The following THRB variants were observed in gnomAD, a reference collection of about 807,000 sequenced individuals.
THRB encodes thyroid hormone receptor beta, also known as nuclear receptor subfamily 1 group A member 2.
THRB carries 12 observed loss-of-function variants against 47.8 expected under a neutral mutation model. The observed-to-expected ratio is 0.25, with a 90% CI of 0.16 to 0.41. The LOEUF (loss-of-function observed/expected upper bound fraction) is 0.41, where lower values mean the gene tolerates loss of function less well. Ranked by LOEUF, THRB falls within the 10% of genes least tolerant of loss-of-function variation. The probability of loss-of-function intolerance (pLI) is 1.00; values close to 1 mark genes in which losing one functional copy is unlikely to be tolerated. For missense variants in THRB, 348 were observed against 589.2 expected, an observed-to-expected ratio of 0.59 and a Z score of 4.24; for synonymous variants, 218 against 212.2, an observed-to-expected ratio of 1.03 and a Z score of -0.24.
At chr3:24,355,887 A>G (rs1420841984) in intron 1 of THRB, among the ~76,000 whole-genome samples, 1 of 152,154 alleles carries the variant, frequency 6.6e-6, no homozygotes, top group Non-Finnish European at 1.5e-5. Flanking sequence ...TATGAAAAAT[A>G]CCTTCATTCT....
At chr3:24,370,685 C>T (rs1432162989) in intron 1 of THRB, among the ~76,000 whole-genome samples, 1 of 152,040 alleles carries the variant, frequency 6.6e-6, no homozygotes, top group Non-Finnish European at 1.5e-5. Flanking sequence ...GGGGATCACA[C>T]CAGGCACAAT....
chr3:24,381,722 T>C (rs2065729019), intron 1 of THRB, among the ~76,000 whole-genome samples: 1 of 152,000 alleles, frequency 6.6e-6, no homozygotes, highest in African/African-American at 2.4e-5. Flanking sequence ...TAACCAACTA[T>C]AACTAGCCAT....
chr3:24,299,369 A>G (rs1317787207), intron 2 of THRB, among the ~76,000 whole-genome samples: 2 of 152,000 alleles, frequency 1.3e-5, no homozygotes, highest in Non-Finnish European at 2.9e-5. Flanking sequence ...AATAAGAAAG[A>G]CCTTAAAGAG....
intron 4 of THRB, among the ~76,000 whole-genome samples, chr3:24,198,707 C>A (rs1318869913): frequency 1.3e-5 from 2 of 152,128 alleles, no homozygotes; most frequent in Non-Finnish European, 2.9e-5. Context: ...CAATCATGAT[C>A]ATTTCTGAGC....
At chr3:24,258,175 G>T (rs2051513252) in intron 3 of THRB, among the ~76,000 whole-genome samples, 1 of 152,186 alleles carries the variant, frequency 6.6e-6, no homozygotes, top group African/African-American at 2.4e-5. Flanking sequence ...TGGGGCCTCG[G>T]ACTCATTTGG....
At chr3:24,433,607 T>C (rs528489470) in intron 1 of THRB, among the ~76,000 whole-genome samples, 1 of 152,282 alleles carries the variant, frequency 6.6e-6, no homozygotes, top group East Asian at 1.9e-4. Flanking sequence ...ATTTGTGTTG[T>C]TTTAAGCAAC....
At chr3:24,381,138 A>G (rs2065680599) in intron 1 of THRB, among the ~76,000 whole-genome samples, 1 of 151,098 alleles carries the variant, frequency 6.6e-6, no homozygotes, top group Non-Finnish European at 1.5e-5. Flanking sequence ...AAAAATTACC[A>G]TTTCTAAATT....
chr3:24,460,416 A>C (rs1474022999), intron 1 of THRB, among the ~76,000 whole-genome samples: 3 of 152,196 alleles, frequency 2.0e-5, no homozygotes, highest in African/African-American at 4.8e-5. Flanking sequence ...AAGTGACAGG[A>C]TACATTCAAA....
chr3:24,483,395 T>C (rs1250294151), intron 1 of THRB, among the ~76,000 whole-genome samples: 4 of 152,110 alleles, frequency 2.6e-5, no homozygotes, highest in African/African-American at 9.7e-5. Context: ...AAAACTGTTA[T>C]AAAATTATTC....
intron 3 of THRB, among the ~76,000 whole-genome samples, chr3:24,249,084 A>T (rs1302711316): frequency 6.6e-6 from 1 of 152,192 alleles, no homozygotes; most frequent in East Asian, 1.9e-4. Flanking sequence ...CCGTTGACTT[A>T]ATGCAAATCT....
chr3:24,146,651 T>C (rs1433328541), intron 7 of THRB, 24 bp downstream of exon 7: 2 of 1,613,256 alleles, frequency 1.2e-6, no homozygotes, highest in East Asian at 2.2e-5. Flanking sequence ...TCCTTGAATA[T>C]GAAGCAAGTG....
intron 5 of THRB, among the ~76,000 whole-genome samples, chr3:24,178,341 G>A (rs1019755364): frequency 1.3e-5 from 2 of 152,074 alleles, no homozygotes; most frequent in African/African-American, 4.8e-5. Context: ...CTAATCATGA[G>A]GAAAGGCTGG....
At chr3:24,425,089 C>T (rs535150042) in intron 1 of THRB, among the ~76,000 whole-genome samples, 1 of 151,052 alleles carries the variant, frequency 6.6e-6, no homozygotes, top group South Asian at 2.1e-4. Context: ...AATAATGTTC[C>T]TATTAATTAT....
intron 1 of THRB, among the ~76,000 whole-genome samples, chr3:24,418,788 T>C (rs187812374): frequency 8.5e-5 from 13 of 152,112 alleles, no homozygotes; most frequent in Admixed American, 8.5e-4. Context: ...TTCATGTACA[T>C]AGGGCAATGC....
intron 3 of THRB, among the ~76,000 whole-genome samples, chr3:24,257,375 A>G (rs1023673462): frequency 2.0e-5 from 3 of 152,206 alleles, no homozygotes; most frequent in African/African-American, 7.2e-5. Flanking sequence ...AAACAAAAGC[A>G]AAACTCTGAG....
chr3:24,415,120 C>G (rs976184219), intron 1 of THRB, among the ~76,000 whole-genome samples: 1 of 151,788 alleles, frequency 6.6e-6, no homozygotes, highest in African/African-American at 2.4e-5. Flanking sequence ...GCAAGGCATA[C>G]TTAAACATCC....
chr3:24,381,755 C>A (rs2065731421), intron 1 of THRB, among the ~76,000 whole-genome samples: 1 of 151,988 alleles, frequency 6.6e-6, no homozygotes, highest in African/African-American at 2.4e-5. Flanking sequence ...GTCCTCTTCC[C>A]TACTCTCAAG....
chr3:24,308,470 T>C (rs1277578907), intron 2 of THRB, among the ~76,000 whole-genome samples: 1 of 152,156 alleles, frequency 6.6e-6, no homozygotes, highest in Non-Finnish European at 1.5e-5. Flanking sequence ...TTTTGAAATA[T>C]AAAGTAGAGT....
At chr3:24,150,808 A>G (rs989689722) in intron 6 of THRB, among the ~76,000 whole-genome samples, 12 of 152,196 alleles carry the variant, frequency 7.9e-5, no homozygotes, top group African/African-American at 2.9e-4. Flanking sequence ...ATTTAGAAGA[A>G]TCTCAGTGCT....
Sources: gnomAD v4.1 joint callset for allele counts (sites outside exome capture counted in the v4.1 genomes callset) on GRCh38, gnomAD v4.1.1 for gene constraint, MANE v1.5 for transcripts, NCBI Gene and HGNC (gene_info 2026-07-23, HGNC 2026-07-21) for gene names.